The following IL1RAPL2 variants were observed in gnomAD, a reference collection of about 807,000 sequenced individuals.
IL1RAPL2 encodes the protein interleukin 1 receptor accessory protein like 2, also known as X-linked interleukin-1 receptor accessory protein-like 2.
In IL1RAPL2, 3 loss-of-function variants were observed where a neutral mutation model predicts 44.1. The ratio of observed to expected loss-of-function variants is 0.07; its 90% confidence interval spans 0.03 to 0.18. The LOEUF is 0.18. Among genes scored for constraint, IL1RAPL2 ranks in the 10% least tolerant of loss-of-function variants. The pLI is 1.00. For synonymous variants in IL1RAPL2, 181 were observed against 178.8 expected, an observed-to-expected ratio of 1.01 and a Z score of -0.10; for missense variants, 391 against 496.4, an observed-to-expected ratio of 0.79 and a Z score of 2.02.
chrX:104,717,163 A>G (rs1258052038), intron 2 of IL1RAPL2, among the ~76,000 whole-genome samples: 1 of 111,999 alleles, frequency 8.9e-6, no homozygotes, highest in African/African-American at 3.2e-5. Flanking sequence ...AACTAATGCA[A>G]GAACAGAAAA....
intron 6 of IL1RAPL2, among the ~76,000 whole-genome samples, chrX:105,612,304 G>T (rs2037342567): frequency 9.1e-6 from 1 of 110,072 alleles, no homozygotes; most frequent in Non-Finnish European, 1.9e-5. Flanking sequence ...ACAGAGTTTT[G>T]CCAAGTTGCC....
intron 6 of IL1RAPL2, among the ~76,000 whole-genome samples, chrX:105,486,389 A>C (rs1409942545): frequency 8.9e-6 from 1 of 112,359 alleles, no homozygotes; most frequent in Non-Finnish European, 1.9e-5. Context: ...AAAAGAAATT[A>C]ATAAACATGT....
chrX:105,019,637 G>A (rs2031249306), intron 2 of IL1RAPL2, among the ~76,000 whole-genome samples: 1 of 111,584 alleles, frequency 9.0e-6, no homozygotes, highest in Non-Finnish European at 1.9e-5. Flanking sequence ...CACTGTAATA[G>A]TAGAAGTTCT....
chrX:105,640,646 A>ATG (rs1249323712), intron 6 of IL1RAPL2, among the ~76,000 whole-genome samples: 14 of 62,098 alleles, frequency 2.3e-4, no homozygotes, highest in East Asian at 4.7e-4. Context: ...CAAATTATGT[A>ATG]TGTGTGTGTA....
At chrX:105,343,713 T>C (rs1444469547) in intron 5 of IL1RAPL2, among the ~76,000 whole-genome samples, 5 of 111,768 alleles carry the variant, frequency 4.5e-5, no homozygotes, top group African/African-American at 1.6e-4. Context: ...TTTAGCGAAT[T>C]ATATTACAGT....
intron 2 of IL1RAPL2, among the ~76,000 whole-genome samples, chrX:104,898,430 C>G (rs915578928): frequency 8.9e-6 from 1 of 112,080 alleles, no homozygotes; most frequent in Admixed American, 9.5e-5. Flanking sequence ...TGACACCAAG[C>G]TAAATTGAAT....
intron 6 of IL1RAPL2, among the ~76,000 whole-genome samples, chrX:105,507,327 T>C (rs1395297562): frequency 8.9e-6 from 1 of 112,026 alleles, no homozygotes; most frequent in Non-Finnish European, 1.9e-5. Flanking sequence ...GCACGTCTCT[T>C]GTTTACGGCC....
At chrX:105,246,918 G>A (rs2034224268) in intron 4 of IL1RAPL2, among the ~76,000 whole-genome samples, 1 of 111,198 alleles carries the variant, frequency 9.0e-6, no homozygotes, top group East Asian at 2.9e-4. Flanking sequence ...GGTGCTCTCA[G>A]CCCTCCTGAC....
rs187292547 is a variant in IL1RAPL2 at position 105,246,006 on chromosome X, G to T, written c.543+12002G>T. 3.1e-3 allele frequency among the ~76,000 whole-genome samples: 347 copies of T among 112,388 alleles called. 3 individuals carry two copies. The highest frequency in any genetic ancestry group is 0.011 in the African/African-American group (335 of 31,030). Reference sequence around the variant, plus strand: ...ATCATTCATTCAGCACATATGTATTGGGTGCCTACCTGTGCAAGGCACTAT... The same window carrying T: ...ATCATTCATTCAGCACATATGTATTTGGTGCCTACCTGTGCAAGGCACTAT... On this transcript the variant is annotated intron_variant, in intron 4 of 10. Coordinates refer to ENST00000372582, the MANE Select transcript of IL1RAPL2 (RefSeq NM_017416.2).
intron 5 of IL1RAPL2, among the ~76,000 whole-genome samples, chrX:105,342,253 T>A (rs1475193943): frequency 9.1e-6 from 1 of 110,249 alleles, no homozygotes; most frequent in African/African-American, 3.3e-5. Flanking sequence ...GGCACATGTA[T>A]ACATATGTAA....
intron 2 of IL1RAPL2, among the ~76,000 whole-genome samples, chrX:104,893,004 A>G (rs1282106304): frequency 1.8e-5 from 2 of 111,345 alleles, no homozygotes; most frequent in African/African-American, 3.3e-5. Flanking sequence ...CTTTTTTCTC[A>G]TTGGTTTCAA....
chrX:105,370,215 T>C (rs1341600561), intron 5 of IL1RAPL2, among the ~76,000 whole-genome samples: 1 of 111,869 alleles, frequency 8.9e-6, no homozygotes, highest in African/African-American at 3.3e-5. Context: ...GATAAATATT[T>C]ATTTTATCTT....
At chrX:105,087,874 G>T (rs773290666) in intron 2 of IL1RAPL2, among the ~76,000 whole-genome samples, 2 of 111,800 alleles carry the variant, frequency 1.8e-5, no homozygotes, top group East Asian at 2.8e-4. Flanking sequence ...AGTTGCTTTT[G>T]TGTTCTTGAT....
intron 4 of IL1RAPL2, among the ~76,000 whole-genome samples, chrX:105,253,416 A>C (rs2034287114): frequency 9.0e-6 from 1 of 111,338 alleles, no homozygotes; most frequent in African/African-American, 3.3e-5. Flanking sequence ...TATTTTTAAG[A>C]GCTTCCATCT....
intron 2 of IL1RAPL2, among the ~76,000 whole-genome samples, chrX:105,096,368 A>G (rs1331346797): frequency 8.9e-6 from 1 of 112,063 alleles, no homozygotes; most frequent in East Asian, 2.8e-4. Flanking sequence ...GAAAACATAT[A>G]TTTATACAAA....
At chrX:104,583,229 A>G (rs994784704) in intron 1 of IL1RAPL2, among the ~76,000 whole-genome samples, 11 of 111,076 alleles carry the variant, frequency 9.9e-5, no homozygotes, top group African/African-American at 3.3e-4. Context: ...CACATATATT[A>G]TCATTATTGA....
intron 2 of IL1RAPL2, among the ~76,000 whole-genome samples, chrX:104,664,277 G>A (rs981928499): frequency 9.0e-6 from 1 of 111,230 alleles, no homozygotes; most frequent in African/African-American, 3.3e-5. Flanking sequence ...TCTCAATCAG[G>A]GATCCATAGA....
chrX:104,876,088 G>C (rs987354704), intron 2 of IL1RAPL2, among the ~76,000 whole-genome samples: 3 of 111,188 alleles, frequency 2.7e-5, no homozygotes, highest in Admixed American at 1.9e-4. Flanking sequence ...TCATTTAATA[G>C]AGAAACTACC....
At chrX:104,652,546 C>T (rs923247899) in intron 1 of IL1RAPL2, among the ~76,000 whole-genome samples, 1 of 111,863 alleles carries the variant, frequency 8.9e-6, no homozygotes, top group African/African-American at 3.2e-5. Flanking sequence ...TGGCTGCCCT[C>T]ATGAAGTTTA....
Sources: gnomAD v4.1 joint callset for allele counts (sites outside exome capture counted in the v4.1 genomes callset) on GRCh38, gnomAD v4.1.1 for gene constraint, MANE v1.5 for transcripts, NCBI Gene and HGNC (gene_info 2026-07-23, HGNC 2026-07-21) for gene names.